The following CYP7B1 variants were observed in gnomAD, a reference collection of about 807,000 sequenced individuals.
The protein encoded by CYP7B1 is cytochrome P450 7B1.
In CYP7B1, 29 loss-of-function variants were observed where a neutral mutation model predicts 42.7. The ratio of observed to expected loss-of-function variants is 0.68; its 90% CI spans 0.51 to 0.93. The LOEUF (loss-of-function observed/expected upper bound fraction) is 0.93. CYP7B1 is among the 40% of genes least tolerant of loss of function. The probability of loss-of-function intolerance (pLI) is 0.00; values close to 1 mark genes in which losing one functional copy is unlikely to be tolerated. For synonymous variants in CYP7B1, 235 were observed against 218.2 expected (o/e 1.08, Z -0.68); for missense variants, 655 against 600.5 (o/e 1.09, Z -0.95).
intron 4 of CYP7B1, among the ~76,000 whole-genome samples, chr8:64,605,177 G>A (rs1563539946): frequency 6.6e-6 from 1 of 152,164 alleles, no homozygotes; most frequent in Non-Finnish European, 1.5e-5. Flanking sequence ...ATATATGCTT[G>A]AAATTAAAAC....
intron 1 of CYP7B1, among the ~76,000 whole-genome samples, chr8:64,720,129 C>A (rs911446738): frequency 1.3e-5 from 2 of 152,234 alleles, no homozygotes; most frequent in Middle Eastern, 3.4e-3. Flanking sequence ...TGTAGAAAAA[C>A]ACTGAATAGC....
At chr8:64,615,546 A>T in intron 3 of CYP7B1, 145 bp downstream of exon 3, 1 of 761,956 alleles carries the variant, frequency 1.3e-6, no homozygotes, top group Non-Finnish European at 2.1e-6. Context: ...TCAATTATAG[A>T]GGGTTATATC....
chr8:64,731,377 G>A (rs1441853156), intron 1 of CYP7B1, among the ~76,000 whole-genome samples: 1 of 152,134 alleles, frequency 6.6e-6, no homozygotes, highest in Non-Finnish European at 1.5e-5. Flanking sequence ...TAACAAAGGT[G>A]ATTCTTGCTA....
At chr8:64,651,695 C>G (rs143988603) in intron 1 of CYP7B1, among the ~76,000 whole-genome samples, 1 of 152,262 alleles carries the variant, frequency 6.6e-6, no homozygotes, top group East Asian at 1.9e-4. Flanking sequence ...CAGAGGGCTC[C>G]CTTACCTCTT....
intron 1 of CYP7B1, among the ~76,000 whole-genome samples, chr8:64,792,077 T>C (rs1440423746): frequency 6.6e-6 from 1 of 152,190 alleles, no homozygotes; most frequent in Admixed American, 6.5e-5. Context: ...GAATGTGTTA[T>C]TGGAAAATGG....
intron 4 of CYP7B1, among the ~76,000 whole-genome samples, chr8:64,610,231 G>A (rs1049009129): frequency 1.3e-5 from 2 of 152,080 alleles, no homozygotes; most frequent in Non-Finnish European, 1.5e-5. Flanking sequence ...TTGAAAATCC[G>A]ATGAACATCG....
At chr8:64,773,886 T>C (rs1486084108) in intron 1 of CYP7B1, among the ~76,000 whole-genome samples, 1 of 152,188 alleles carries the variant, frequency 6.6e-6, no homozygotes, top group Non-Finnish European at 1.5e-5. Context: ...GGCAGTGACA[T>C]TTATCCATTC....
intron 4 of CYP7B1, among the ~76,000 whole-genome samples, chr8:64,611,999 T>C (rs962229974): frequency 6.6e-6 from 1 of 152,172 alleles, no homozygotes; most frequent in Non-Finnish European, 1.5e-5. Flanking sequence ...AAGTTATTTA[T>C]CCATTATTCA....
chr8:64,680,353 A>G (rs1447218859), intron 1 of CYP7B1, among the ~76,000 whole-genome samples: 1 of 151,978 alleles, frequency 6.6e-6, no homozygotes, highest in Non-Finnish European at 1.5e-5. Flanking sequence ...ATGTTCCTAT[A>G]TCATCCAGGT....
At chr8:64,744,720 T>C (rs1029290203) in intron 1 of CYP7B1, among the ~76,000 whole-genome samples, 1 of 152,212 alleles carries the variant, frequency 6.6e-6, no homozygotes, top group Non-Finnish European at 1.5e-5. Flanking sequence ...GTTATAATAC[T>C]TCTGGTTTTC....
chr8:64,731,780 T>A (rs540158365), intron 1 of CYP7B1, among the ~76,000 whole-genome samples: 1 of 152,310 alleles, frequency 6.6e-6, no homozygotes, highest in South Asian at 2.1e-4. Context: ...GGTGTCCTTG[T>A]GACATGGTGT....
intron 4 of CYP7B1, 149 bp from the exon 5 acceptor site, chr8:64,605,006 G>C: frequency 1.0e-6 from 1 of 954,688 alleles, no homozygotes; most frequent in East Asian, 2.6e-5. Flanking sequence ...AGGGAGCCAA[G>C]GGTGGCTGTG....
intron 5 of CYP7B1, among the ~76,000 whole-genome samples, chr8:64,598,429 C>G (rs1256030944): frequency 6.6e-6 from 1 of 152,194 alleles, no homozygotes; most frequent in Non-Finnish European, 1.5e-5. Context: ...CTCCTTCACG[C>G]TGACCAATCT....
At chr8:64,705,244 C>T (rs1032292066) in intron 1 of CYP7B1, among the ~76,000 whole-genome samples, 1 of 151,688 alleles carries the variant, frequency 6.6e-6, no homozygotes, top group Non-Finnish European at 1.5e-5. Flanking sequence ...GGGGGAATCA[C>T]CACCTTTTCA....
At chr8:64,688,753 T>A (rs1337762152) in intron 1 of CYP7B1, among the ~76,000 whole-genome samples, 2 of 151,914 alleles carry the variant, frequency 1.3e-5, no homozygotes, top group Admixed American at 1.3e-4. Flanking sequence ...AGGGAGACCC[T>A]GTCTCTAAAA....
chr8:64,676,151 T>C (rs1201311810), intron 1 of CYP7B1, among the ~76,000 whole-genome samples: 2 of 152,156 alleles, frequency 1.3e-5, no homozygotes, highest in South Asian at 2.1e-4. Context: ...AATTAACCTA[T>C]TGCTTGTCTT....
chr8:64,615,463 G>A (rs1805424065), intron 3 of CYP7B1, among the ~76,000 whole-genome samples: 1 of 150,134 alleles, frequency 6.7e-6, no homozygotes. Context: ...AGTAAATGCA[G>A]CTTAGTTATA....
At chr8:64,700,395 T>C (rs1162684708) in intron 1 of CYP7B1, among the ~76,000 whole-genome samples, 1 of 152,122 alleles carries the variant, frequency 6.6e-6, no homozygotes, top group Non-Finnish European at 1.5e-5. Flanking sequence ...AGTTTGCTTA[T>C]GTCCAGAATG....
rs1806705051 is a variant in CYP7B1, at chr8:64,689,408, T to C, written c.123-64869A>G. Among the ~76,000 whole-genome samples, 5 of 152,202 alleles carry C rather than the reference T, an allele frequency of 3.3e-5. No individual in the cohort carries two copies. In the South Asian group the frequency reaches 1.0e-3, roughly 31 times the overall value. The stretch of plus-strand genomic sequence containing the variant: ...CACTTGCAGGCATGTATGAGAAATA[T>C]TATCCCCAAAATCATGAAAATCACG... On this transcript the variant is annotated intron_variant, in intron 1 of 5. Transcript: ENST00000310193.
Sources: gnomAD v4.1 joint callset for allele counts (sites outside exome capture counted in the v4.1 genomes callset) on GRCh38, gnomAD v4.1.1 for gene constraint, MANE v1.5 for transcripts, NCBI Gene and HGNC (gene_info 2026-07-23, HGNC 2026-07-21) for gene names.